Variants in SLC12A3 observed in about 807,000 individuals in gnomAD.
SLC12A3 encodes Na-Cl cotransporter.
SLC12A3 carries 104 observed loss-of-function variants against 121.0 expected under a neutral mutation model. That is an observed-to-expected ratio of 0.86 (90% CI 0.73 to 1.01). The LOEUF (loss-of-function observed/expected upper bound fraction) is 1.01, where lower values mean the gene tolerates loss of function less well. Among genes scored for constraint, SLC12A3 ranks in the 50% least tolerant of loss-of-function variants. The probability of loss-of-function intolerance (pLI) is 0.00; values close to 1 mark genes in which losing one functional copy is unlikely to be tolerated. For missense variants in SLC12A3, 1,328 were observed against 1,356.3 expected (o/e 0.98, Z 0.33); for synonymous variants, 536 against 533.4 (o/e 1.00, Z -0.07).
Position 56,887,928 on chromosome 16 carries a change from G to A in SLC12A3, c.2182G>A (p.Ala728Thr), listed in dbSNP as rs36049418. ...TCTCACCCCTATCCCCTGGCAGGCC[G>A]CAGGTCTCGGGAGAATGAAGCCCAA... ...RRGVQILMQA[A>T]GLGRMKPNIL... The change falls in exon 18 of 26, where the codon GCA (alanine) becomes ACA (threonine). Residue 728 changes from alanine (A) to threonine (T), a missense_variant. By Grantham distance (58) the Ala-to-Thr change is moderately conservative. Transcript: ENST00000563236. 30,194 of 1,609,578 alleles carry A rather than the reference G, an allele frequency of 0.019. 372 individuals carry two copies. The highest frequency in any genetic ancestry group is 0.023 in the Non-Finnish European group (26,535 of 1,177,486).
intron 22 of SLC12A3, among the ~76,000 whole-genome samples, chr16:56,895,652 C>T (rs2055452701): frequency 6.6e-6 from 1 of 151,932 alleles, no homozygotes; most frequent in Non-Finnish European, 1.5e-5. Flanking sequence ...TTTTTGGCAC[C>T]AGGGACTGGT....
Position 56,904,401 on chromosome 16 carries a change from C to CGGCA in SLC12A3, c.2866_2869dup (p.Val957AlafsTer6). On this transcript the variant is annotated frameshift_variant, in exon 25 of 26. Transcript: ENST00000563236. LOFTEE classifies it high-confidence loss of function. ...TCGGCTTTCTCCCGCCCAGTCCCTT[C>CGGCA]GGCAGGTGAGGCTGAATGAGATTGT... 1.2e-6 allele frequency: 2 copies of CGGCA among 1,613,952 alleles called. No individual in the cohort carries two copies. Among genetic ancestry groups the CGGCA allele is most frequent in the Non-Finnish European group, 1.7e-6 (2 of 1,179,818 alleles).
At chr16:56,911,951 G>A (rs2055691692) in intron 25 of SLC12A3, among the ~76,000 whole-genome samples, 1 of 152,250 alleles carries the variant, frequency 6.6e-6, no homozygotes, top group Admixed American at 6.5e-5. Context: ...CTGCGAGGGA[G>A]GTTTTTGTGT....
chr16:56,880,307 A>T, intron 12 of SLC12A3, 54 bp downstream of exon 12: 1 of 1,543,456 alleles, frequency 6.5e-7, no homozygotes, highest in Non-Finnish European at 8.7e-7. Context: ...CTGGCCGGCC[A>T]TGAGGGTCTT....
In SLC12A3 at chr16:56,867,234, G is replaced by A. The variant is rs1404511305; in HGVS notation, c.429+18G>A. 6.3e-7 allele frequency: 1 copy of A among 1,595,284 alleles called. No individual in the cohort carries two copies. Among genetic ancestry groups the A allele is most frequent in the Non-Finnish European group, 8.5e-7 (1 of 1,171,396 alleles). ...GGGTGATGGTGAGTGGGGTGTGGGT[G>A]GTGCGTGATGTCCAGAAATGGGGGT... On this transcript the variant is annotated intron_variant, in intron 2 of 25. Coordinates refer to ENST00000563236, the MANE Select transcript of SLC12A3 (RefSeq NM_001126108.2).
At chr16:56,902,531 G>GGGGGCCCCCC in intron 24 of SLC12A3, 23 bp downstream of exon 24, 1 of 714,566 alleles carries the variant, frequency 1.4e-6, no homozygotes, top group Non-Finnish European at 2.4e-6. Flanking sequence ...GTGGGGGTGG[G>GGGGGCCCCCC]AAACGCGACA....
chr16:56,877,923 T>C (rs934933523), intron 8 of SLC12A3, among the ~76,000 whole-genome samples, 154 bp from the exon 9 acceptor site: 1 of 152,154 alleles, frequency 6.6e-6, no homozygotes, highest in Non-Finnish European at 1.5e-5. Flanking sequence ...GAACAGGGGC[T>C]CTGAGGGGCC....
chr16:56,868,481 A>G, intron 3 of SLC12A3, 109 bp downstream of exon 3: 1 of 1,113,260 alleles, frequency 9.0e-7, no homozygotes, highest in Non-Finnish European at 1.3e-6. Flanking sequence ...ATTAAACTTG[A>G]GGTGCAGAGA....
At chr16:56,895,182 A>G (rs1170313032) in intron 22 of SLC12A3, among the ~76,000 whole-genome samples, 3 of 136,782 alleles carry the variant, frequency 2.2e-5, no homozygotes, top group Non-Finnish European at 4.6e-5. Context: ...TTAAATTTTT[A>G]TATATTTTAA....
chr16:56,895,532 T>A (rs57847529), intron 22 of SLC12A3, among the ~76,000 whole-genome samples: 32,024 of 149,214 alleles, frequency 0.21, 3,628 homozygotes, highest in African/African-American at 0.29. Flanking sequence ...TATATATATT[T>A]AAAAATTTAT....
Position 56,884,075 on chromosome 16 carries a change from A to T in SLC12A3, c.1696A>T (p.Asn566Tyr), listed in dbSNP as rs142414514. The change falls in exon 14 of 26, where the codon AAC becomes TAC. Residue 566 changes from asparagine to tyrosine, a missense_variant. Asn to Tyr is a moderately radical substitution (Grantham distance 143). Coordinates refer to ENST00000563236, the MANE Select transcript of SLC12A3 (RefSeq NM_001126108.2). Reference protein sequence around the residue: ...PGWRPSFQYYNKWAALFGAII... With the variant: ...PGWRPSFQYYYKWAALFGAII... Reference sequence around the variant, plus strand: ...GTGGAGACCTTCATTCCAATACTACAACAAGTGGGCGGCGCTGTTTGGGGC... The same window carrying T: ...GTGGAGACCTTCATTCCAATACTACTACAAGTGGGCGGCGCTGTTTGGGGC... The T allele has an allele frequency of 1.7e-4, 282 of 1,613,854 alleles. No individual in the cohort carries two copies. The highest frequency in any genetic ancestry group is 2.4e-4 in the Non-Finnish European group (281 of 1,179,966).
chr16:56,910,059 T>C (rs577073690), intron 25 of SLC12A3, among the ~76,000 whole-genome samples: 2 of 152,098 alleles, frequency 1.3e-5, no homozygotes, highest in East Asian at 1.9e-4. Context: ...CTCTTTTTTT[T>C]CTAAAAACAC....
chr16:56,876,037 A>G (rs892787684), intron 8 of SLC12A3, among the ~76,000 whole-genome samples: 18 of 152,014 alleles, frequency 1.2e-4, no homozygotes, highest in Non-Finnish European at 2.9e-5. Context: ...TCCGGGATCC[A>G]GGTGTCAGCA....
intron 8 of SLC12A3, among the ~76,000 whole-genome samples, chr16:56,877,767 T>C (rs1017405286): frequency 1.3e-5 from 2 of 151,958 alleles, no homozygotes; most frequent in Non-Finnish European, 2.9e-5. Context: ...CCAAGTGGCC[T>C]CTGTGGCGCA....
chr16:56,888,598 G>T (rs1389783690), intron 18 of SLC12A3, among the ~76,000 whole-genome samples: 2 of 107,414 alleles, frequency 1.9e-5, no homozygotes, highest in African/African-American at 7.3e-5. Flanking sequence ...TCACACTGTT[G>T]CCCAGGCTGG....
At chr16:56,875,299 T>C (rs1385578221) in intron 8 of SLC12A3, among the ~76,000 whole-genome samples, 1 of 152,088 alleles carries the variant, frequency 6.6e-6, no homozygotes, top group African/African-American at 2.4e-5. Context: ...GGCCTCAGCT[T>C]CCCCAATTCT....
chr16:56,890,536 C>T (rs1388635775), intron 19 of SLC12A3, among the ~76,000 whole-genome samples, 180 bp downstream of exon 19: 2 of 152,230 alleles, frequency 1.3e-5, no homozygotes, highest in Non-Finnish European at 2.9e-5. Context: ...CAAGGTCATG[C>T]TTCCCAGGTG....
chr16:56,910,750 A>C (rs2055674510), intron 25 of SLC12A3, among the ~76,000 whole-genome samples: 2 of 152,228 alleles, frequency 1.3e-5, no homozygotes, highest in South Asian at 2.1e-4. Context: ...TGGGAATTGC[A>C]TCTGGAGCCT....
intron 15 of SLC12A3, 44 bp from the exon 16 acceptor site, chr16:56,886,320 G>C (rs2055309702): frequency 6.8e-7 from 1 of 1,464,630 alleles, no homozygotes; most frequent in East Asian, 2.3e-5. Flanking sequence ...GACCCCCGTG[G>C]GCTCTCTCCT....
Sources: gnomAD v4.1 joint callset for allele counts (sites outside exome capture counted in the v4.1 genomes callset) on GRCh38, gnomAD v4.1.1 for gene constraint, MANE v1.5 for transcripts, NCBI Gene and HGNC (gene_info 2026-07-23, HGNC 2026-07-21) for gene names.